The following PDZD2 variants were observed in gnomAD, a reference collection of about 807,000 sequenced individuals.
PDZD2 encodes PDZ domain-containing protein 2.
In PDZD2, 90 loss-of-function variants were observed where a neutral mutation model predicts 220.7. The observed-to-expected ratio is 0.41, with a 90% confidence interval of 0.34 to 0.49. PDZD2 has a LOEUF of 0.49. Among genes scored for constraint, PDZD2 ranks in the 20% least tolerant of loss-of-function variants. PDZD2 has a pLI of 0.28. For synonymous variants in PDZD2, 1,375 were observed against 1,450.5 expected, an observed-to-expected ratio of 0.95 and a Z score of 1.18; for missense variants, 3,174 against 3,608.5, an observed-to-expected ratio of 0.88 and a Z score of 3.08.
At chr5:32,104,382 G>T (rs754095483) in intron 24 of PDZD2, among the ~76,000 whole-genome samples, 1 of 150,836 alleles carries the variant, frequency 6.6e-6, no homozygotes, top group African/African-American at 2.4e-5. Flanking sequence ...TTTTAACAGG[G>T]TCTAGCTCTG....
chr5:32,102,145 T>TA (rs35719549), intron 24 of PDZD2, among the ~76,000 whole-genome samples: 5,958 of 150,916 alleles, frequency 0.039, 146 homozygotes, highest in East Asian at 0.078. Flanking sequence ...TAGTTACACT[T>TA]AAAAAAAAAC....
At chr5:31,811,226 T>C (rs370612746) in intron 2 of PDZD2, among the ~76,000 whole-genome samples, 1 of 152,344 alleles carries the variant, frequency 6.6e-6, no homozygotes, top group East Asian at 1.9e-4. Context: ...CCTCAAGTGA[T>C]CCACCCACCT....
chr5:32,101,211 G>A lies in PDZD2; in HGVS notation c.8325G>A (p.Gly2775=). ...GAAAATCATCGGTGACGGGAGATGG[G>A]CCCTTGGTCATTAAAAGAGTGTACA... ...DGGKSSVTGD[G]PLVIKRVYKG... Residue 2775 remains glycine, a synonymous_variant, in exon 24 of 25, where the codon GGG becomes GGA. Transcript: ENST00000438447. The A allele has an allele frequency of 6.2e-7, 1 of 1,613,912 alleles. No individual in the cohort carries two copies. Among genetic ancestry groups the A allele is most frequent in the Non-Finnish European group, 8.5e-7 (1 of 1,179,892 alleles).
intron 2 of PDZD2, among the ~76,000 whole-genome samples, chr5:31,925,761 CA>C (rs70957983): frequency 1.0e-3 from 139 of 137,360 alleles, no homozygotes; most frequent in Admixed American, 1.0e-3. Context: ...AGCCAACAAG[CA>C]AAAAAAAAAA....
In PDZD2 at chr5:31,719,089, T is replaced by C. The variant is rs80058769; in HGVS notation, c.-361+79652T>C. Among the ~76,000 whole-genome samples the C allele has an allele frequency of 6.7e-3, 1,022 of 152,284 alleles. 18 individuals are homozygous for C. Among genetic ancestry groups the C allele is most frequent in the African/African-American group, 0.024 (982 of 41,558 alleles). On this transcript the variant is annotated intron_variant, in intron 1 of 24. Transcript: ENST00000438447. ...GAGGTACTAGAAGTTAGTTTCAACA[T>C]ATGAATTTGTGGCAGGGGTCACAAT...
At chr5:32,029,329 TAAAAAAAAA>T (rs34025632) in intron 6 of PDZD2, among the ~76,000 whole-genome samples, 35 of 65,840 alleles carry the variant, frequency 5.3e-4, no homozygotes, top group Non-Finnish European at 4.8e-4. Context: ...TCAAGAACTG[TAAAAAAAAA>T]AAAAAAAAAA....
intron 2 of PDZD2, among the ~76,000 whole-genome samples, chr5:31,918,780 A>C (rs1383456096): frequency 6.6e-6 from 1 of 152,040 alleles, no homozygotes; most frequent in Non-Finnish European, 1.5e-5. Flanking sequence ...TGGCACCGGC[A>C]CTTAGCCAGC....
chr5:31,831,708 A>C (rs6869120), intron 2 of PDZD2, among the ~76,000 whole-genome samples: 43,606 of 150,110 alleles, frequency 0.29, 6,687 homozygotes, highest in Admixed American at 0.35. Context: ...AGATTGCGCC[A>C]CTGCACTCCA....
intron 2 of PDZD2, among the ~76,000 whole-genome samples, chr5:31,947,348 T>C (rs1746735601): frequency 6.6e-6 from 1 of 152,216 alleles, no homozygotes; most frequent in East Asian, 1.9e-4. Flanking sequence ...TGAGCATCCT[T>C]TCTCAGTTCT....
intron 2 of PDZD2, among the ~76,000 whole-genome samples, chr5:31,809,467 A>T (rs888878141): frequency 1.1e-4 from 17 of 152,090 alleles, no homozygotes; most frequent in Non-Finnish European, 2.1e-4. Flanking sequence ...GAGTCCCTTC[A>T]CACACACAGC....
intron 3 of PDZD2, among the ~76,000 whole-genome samples, chr5:31,991,426 CA>C (rs1358183759): frequency 6.6e-6 from 1 of 152,162 alleles, no homozygotes; most frequent in Non-Finnish European, 1.5e-5. Flanking sequence ...GGAGATTAAA[CA>C]GAAGGAATCA....
intron 6 of PDZD2, among the ~76,000 whole-genome samples, chr5:32,027,074 T>C (rs1455679647): frequency 6.6e-6 from 1 of 152,144 alleles, no homozygotes; most frequent in East Asian, 1.9e-4. Context: ...GGCTGATTTT[T>C]TGTACTTTTA....
chr5:31,953,868 C>G (rs1747408996), intron 2 of PDZD2, among the ~76,000 whole-genome samples: 1 of 152,060 alleles, frequency 6.6e-6, no homozygotes, highest in Non-Finnish European at 1.5e-5. Flanking sequence ...CCAGGGTGGT[C>G]TTGATCTCTT....
chr5:31,750,579 T>C (rs1044453920), intron 1 of PDZD2, among the ~76,000 whole-genome samples: 6 of 152,036 alleles, frequency 3.9e-5, no homozygotes, highest in Non-Finnish European at 8.8e-5. Context: ...AGGAGTGTGG[T>C]CCTGAGGGGC....
chr5:32,035,279 G>A (rs1161856770), intron 6 of PDZD2, among the ~76,000 whole-genome samples: 2 of 148,044 alleles, frequency 1.4e-5, no homozygotes, highest in Admixed American at 1.3e-4. Context: ...TTTCTTTTTT[G>A]AGATGGAGTC....
At chr5:32,050,924 A>G (rs189409407) in intron 8 of PDZD2, among the ~76,000 whole-genome samples, 36 of 152,282 alleles carry the variant, frequency 2.4e-4, no homozygotes, top group African/African-American at 7.9e-4. Flanking sequence ...ATCGTCCAAT[A>G]TGGTAGCCGT....
intron 2 of PDZD2, chr5:31,847,355 G>T (rs137880906): frequency 2.2e-5 from 9 of 413,278 alleles, no homozygotes; most frequent in African/African-American, 1.2e-4. Context: ...GGGTAAAACC[G>T]ATTACTATGC....
intron 7 of PDZD2, among the ~76,000 whole-genome samples, chr5:32,037,759 T>A (rs1297341104): frequency 2.6e-5 from 4 of 152,134 alleles, no homozygotes; most frequent in Non-Finnish European, 5.9e-5. Flanking sequence ...GCAGCTGGCC[T>A]GGGCCCAGAG....
At chr5:31,955,186 C>T (rs1747549093) in intron 2 of PDZD2, among the ~76,000 whole-genome samples, 1 of 152,076 alleles carries the variant, frequency 6.6e-6, no homozygotes. Flanking sequence ...TCTAGCTGAG[C>T]CTATGCGCTG....
Sources: gnomAD v4.1 joint callset for allele counts (sites outside exome capture counted in the v4.1 genomes callset) on GRCh38, gnomAD v4.1.1 for gene constraint, MANE v1.5 for transcripts, NCBI Gene and HGNC (gene_info 2026-07-23, HGNC 2026-07-21) for gene names.